The following COBL variants were observed in gnomAD, a reference collection of about 807,000 sequenced individuals.
The protein encoded by COBL is cordon-bleu WH2 repeat protein.
COBL carries 51 observed loss-of-function variants against 98.8 expected under a neutral mutation model. The observed-to-expected ratio is 0.52, with a 90% CI of 0.41 to 0.65. The LOEUF is 0.65. Among genes scored for constraint, COBL ranks in the 30% least tolerant of loss-of-function variants. The pLI, the probability that COBL is intolerant of heterozygous loss-of-function variation, is 0.00. For missense variants in COBL, 1,617 were observed against 1,617.5 expected (o/e 1.00, Z 0.01); for synonymous variants, 634 against 651.7 (o/e 0.97, Z 0.41).
At chr7:51,131,527 G>C (rs558302007) in intron 6 of COBL, among the ~76,000 whole-genome samples, 146 of 151,642 alleles carry the variant, frequency 9.6e-4, no homozygotes, top group Admixed American at 3.6e-3. Flanking sequence ...AGAGTATTGT[G>C]TCAATCTTTA....
At chr7:51,162,217 T>C (rs1406291146) in intron 5 of COBL, among the ~76,000 whole-genome samples, 1 of 152,212 alleles carries the variant, frequency 6.6e-6, no homozygotes, top group Non-Finnish European at 1.5e-5. Flanking sequence ...AAATCAATAC[T>C]GACCATGTCC....
intron 1 of COBL, among the ~76,000 whole-genome samples, chr7:51,264,047 A>T (rs551721084): frequency 2.0e-5 from 3 of 152,204 alleles, no homozygotes; most frequent in Non-Finnish European, 4.4e-5. Context: ...TGTAGCTGTC[A>T]AAAGACAACA....
At chr7:51,261,672 A>C (rs1380637941) in intron 1 of COBL, among the ~76,000 whole-genome samples, 1 of 152,208 alleles carries the variant, frequency 6.6e-6, no homozygotes, top group Non-Finnish European at 1.5e-5. Flanking sequence ...TGTTGAAAGA[A>C]GGCAGCCCGA....
chr7:51,284,339 G>T (rs1478442366), intron 1 of COBL, among the ~76,000 whole-genome samples: 2 of 151,442 alleles, frequency 1.3e-5, no homozygotes, highest in Non-Finnish European at 2.9e-5. Context: ...TACAATCAAG[G>T]AGGTTTAATC....
intron 5 of COBL, chr7:51,156,489 CT>C: frequency 1.0e-6 from 1 of 985,096 alleles, no homozygotes; most frequent in Non-Finnish European, 1.2e-6. Flanking sequence ...TTATTGGAGG[CT>C]GTCATTCAAA....
intron 5 of COBL, among the ~76,000 whole-genome samples, chr7:51,144,524 T>G (rs543631171): frequency 3.4e-4 from 52 of 152,212 alleles, no homozygotes; most frequent in Non-Finnish European, 5.3e-4. Context: ...TTTTTTAAAT[T>G]ATGATAACAA....
At chr7:51,026,784 T>G (rs1056336393) in intron 10 of COBL, 119 bp from the exon 11 acceptor site, 72 of 1,252,702 alleles carry the variant, frequency 5.7e-5, no homozygotes, top group Non-Finnish European at 7.4e-5. Flanking sequence ...TGTAATCCCA[T>G]CTACTCGGGA....
At chr7:51,083,191 G>A (rs1323096617) in intron 7 of COBL, 2 of 1,469,412 alleles carry the variant, frequency 1.4e-6, no homozygotes, top group East Asian at 2.5e-5. Flanking sequence ...CCCGAGCAGT[G>A]CCTCTGGGAG....
chr7:51,200,143 C>T (rs2129064201), intron 2 of COBL, among the ~76,000 whole-genome samples: 1 of 152,162 alleles, frequency 6.6e-6, no homozygotes, highest in Non-Finnish European at 1.5e-5. Context: ...GAAAAAAATG[C>T]CAAACAAGAA....
intron 2 of COBL, among the ~76,000 whole-genome samples, chr7:51,207,567 T>C (rs1342718068): frequency 3.3e-5 from 5 of 152,176 alleles, no homozygotes; most frequent in African/African-American, 4.8e-5. Context: ...GTGCCTGCGA[T>C]TGCAGGCAAG....
At chr7:51,194,948 T>G (rs947136699) in intron 2 of COBL, among the ~76,000 whole-genome samples, 9 of 152,206 alleles carry the variant, frequency 5.9e-5, no homozygotes, top group African/African-American at 1.9e-4. Context: ...TGGAAAACAT[T>G]TTCTCCTATT....
intron 7 of COBL, among the ~76,000 whole-genome samples, chr7:51,061,943 C>CCACACACACA (rs1298316823): frequency 2.6e-4 from 9 of 35,284 alleles, no homozygotes; most frequent in East Asian, 8.1e-4. Context: ...TCTCTCCCCA[C>CCACACACACA]CATAGATACA....
chr7:51,020,833 C>T (rs1011947758), intron 12 of COBL: 4 of 152,214 alleles, frequency 2.6e-5, no homozygotes, highest in East Asian at 1.9e-4. Context: ...GGATTCACAC[C>T]GTGAAGGCAA....
At chr7:51,148,433 T>A (rs1244632504) in intron 5 of COBL, among the ~76,000 whole-genome samples, 1 of 152,196 alleles carries the variant, frequency 6.6e-6, no homozygotes, top group Non-Finnish European at 1.5e-5. Flanking sequence ...TCTCCCCAAG[T>A]TGCAGGTACC....
At chr7:51,300,278 A>G (rs1178053986) in intron 1 of COBL, among the ~76,000 whole-genome samples, 2 of 152,058 alleles carry the variant, frequency 1.3e-5, no homozygotes, top group Admixed American at 6.6e-5. Context: ...CTCCTGCCTC[A>G]GCCTCCCAAG....
At chr7:51,193,092 G>A (rs1172118617) in intron 3 of COBL, among the ~76,000 whole-genome samples, 4 of 152,166 alleles carry the variant, frequency 2.6e-5, no homozygotes, top group Non-Finnish European at 5.9e-5. Context: ...CAGAATTAAA[G>A]ACCATGCCCC....
At chr7:51,091,378 C>T (rs1174385769) in intron 6 of COBL, among the ~76,000 whole-genome samples, 2 of 151,818 alleles carry the variant, frequency 1.3e-5, no homozygotes, top group Non-Finnish European at 1.5e-5. Context: ...ATAAAATAAC[C>T]GAACTAAAAA....
chr7:51,315,486 T>C (rs756885508), intron 1 of COBL, among the ~76,000 whole-genome samples: 49 of 152,166 alleles, frequency 3.2e-4, no homozygotes, highest in Non-Finnish European at 1.8e-4. Flanking sequence ...AAAAAAAGAT[T>C]TGTTGTCCCC....
At chr7:51,089,171 G>A (rs1347830079) in intron 6 of COBL, among the ~76,000 whole-genome samples, 1 of 152,082 alleles carries the variant, frequency 6.6e-6, no homozygotes, top group Non-Finnish European at 1.5e-5. Context: ...CTTTCACCCA[G>A]CAGTCAAGTT....
Sources: gnomAD v4.1 joint callset for allele counts (sites outside exome capture counted in the v4.1 genomes callset) on GRCh38, gnomAD v4.1.1 for gene constraint, MANE v1.5 for transcripts, NCBI Gene and HGNC (gene_info 2026-07-23, HGNC 2026-07-21) for gene names.